The following MAP2K3 variants were observed in gnomAD, a reference collection of about 807,000 sequenced individuals.
MAP2K3 encodes the protein mitogen-activated protein kinase kinase 3.
Under a neutral mutation model 46.4 loss-of-function variants are expected in MAP2K3, and 30 were observed. That is an observed-to-expected ratio of 0.65 (90% confidence interval 0.48 to 0.88). The LOEUF (loss-of-function observed/expected upper bound fraction) is 0.88, where lower values mean the gene tolerates loss of function less well. Among genes scored for constraint, MAP2K3 ranks in the 40% least tolerant of loss-of-function variants. The pLI is 0.00. For synonymous variants in MAP2K3, 189 were observed against 176.3 expected, an observed-to-expected ratio of 1.07 and a Z score of -0.57; for missense variants, 380 against 464.5, an observed-to-expected ratio of 0.82 and a Z score of 1.67.
chr17:21,297,793 T>A (rs958497382), intron 1 of MAP2K3, among the ~76,000 whole-genome samples: 4 of 152,308 alleles, frequency 2.6e-5, no homozygotes, highest in African/African-American at 9.6e-5. Context: ...GCCTGCCTGG[T>A]GCAGGGGAGG....
At chr17:21,298,611 A>T in intron 2 of MAP2K3, 132 bp downstream of exon 2, 1 of 1,464,320 alleles carries the variant, frequency 6.8e-7, no homozygotes, top group Non-Finnish European at 9.6e-7. Flanking sequence ...CCTGCTGTGC[A>T]TACAGCCAGG....
intron 9 of MAP2K3, among the ~76,000 whole-genome samples, chr17:21,305,887 T>G: frequency 6.6e-6 from 1 of 152,180 alleles, no homozygotes; most frequent in African/African-American, 2.4e-5. Flanking sequence ...TTGAGTGGCT[T>G]GGGACCAATG....
At chr17:21,299,548 G>A (rs1193207975) in intron 3 of MAP2K3, among the ~76,000 whole-genome samples, 1 of 152,306 alleles carries the variant, frequency 6.6e-6, no homozygotes, top group Admixed American at 6.5e-5. Flanking sequence ...TCAGCGTGGT[G>A]GTGCGTGCCT....
chr17:21,313,404 TG>T, intron 10 of MAP2K3, 87 bp from the exon 11 acceptor site: 1 of 1,094,800 alleles, frequency 9.1e-7, no homozygotes, highest in Non-Finnish European at 1.4e-6. Context: ...CTGCTAGGCC[TG>T]GGGCAATCCT....
intron 5 of MAP2K3, 146 bp from the exon 6 acceptor site, chr17:21,301,997 G>A: frequency 3.8e-6 from 3 of 788,686 alleles, no homozygotes; most frequent in Non-Finnish European, 6.4e-6. Flanking sequence ...GTGGGTGGTG[G>A]GTGGGAGCCC....
At chr17:21,298,334 G>T in intron 1 of MAP2K3, 79 bp from the exon 2 acceptor site, 1 of 1,594,228 alleles carries the variant, frequency 6.3e-7, no homozygotes, top group Non-Finnish European at 8.6e-7. Flanking sequence ...TTGTGGGCCA[G>T]GGCCTGATGG....
At chr17:21,313,327 G>C (rs902884321) in intron 10 of MAP2K3, among the ~76,000 whole-genome samples, 165 bp from the exon 11 acceptor site, 17 of 152,160 alleles carry the variant, frequency 1.1e-4, no homozygotes, top group African/African-American at 3.4e-4. Flanking sequence ...TCCTATGAAT[G>C]CCCCTCCACC....
At chr17:21,313,121 TTTAA>T (rs1977242216) in intron 10 of MAP2K3, among the ~76,000 whole-genome samples, 1 of 152,170 alleles carries the variant, frequency 6.6e-6, no homozygotes, top group African/African-American at 2.4e-5. Context: ...GTCTGACCCC[TTTAA>T]TTGTGGACTA....
At chr17:21,296,034 A>C in intron 1 of MAP2K3, 1 of 1,287,178 alleles carries the variant, frequency 7.8e-7, no homozygotes, top group Non-Finnish European at 1.0e-6. Context: ...CAGGAATAAA[A>C]GCTACCTATA....
intron 3 of MAP2K3, 152 bp downstream of exon 3, chr17:21,299,078 T>C (rs1976441095): frequency 1.7e-6 from 2 of 1,184,242 alleles, no homozygotes; most frequent in East Asian, 2.5e-5. Context: ...GCTGGCTGTG[T>C]GGCCCTGGGC....
Position 21,315,224 on chromosome 17 carries a change from A to C in MAP2K3, c.*994A>C, listed in dbSNP as rs1175780705. On this transcript the variant is annotated 3_prime_UTR_variant, in exon 12 of 12. Coordinates refer to ENST00000342679, the MANE Select transcript of MAP2K3 (RefSeq NM_145109.3). ...GTTGCTGTTTTAATTAAAAAAAAAA[A>C]AAAAAAAAGGACTAAAGGTTGTGTG... 6.6e-6 allele frequency: 1 copy of C among 151,988 alleles called. No homozygotes were observed. The highest frequency in any genetic ancestry group is 1.5e-5 in the Non-Finnish European group (1 of 67,960). The allele number at this position is 151,988 out of a possible 1,614,324, so 9.4% of individuals were successfully genotyped here. A position where few individuals can be genotyped will look rare whatever the true frequency, so the allele number is the denominator to read the frequency against.
At chr17:21,305,617 G>T (rs1335661081) in intron 9 of MAP2K3, among the ~76,000 whole-genome samples, 1 of 151,996 alleles carries the variant, frequency 6.6e-6, no homozygotes, top group African/African-American at 2.4e-5. Flanking sequence ...GGCAGATGTG[G>T]CAGAAGTCCG....
At chr17:21,285,002 C>T (rs746842946) in intron 1 of MAP2K3, 33 bp downstream of exon 1, 4 of 1,597,766 alleles carry the variant, frequency 2.5e-6, no homozygotes, top group Admixed American at 3.4e-5. Context: ...TCGGCCTGAC[C>T]CCGCGCCTAA....
intron 1 of MAP2K3, among the ~76,000 whole-genome samples, chr17:21,288,495 G>A (rs1352304244): frequency 6.6e-6 from 1 of 152,242 alleles, no homozygotes; most frequent in Admixed American, 6.5e-5. Context: ...CTGAGCTCCT[G>A]GAAGATGGTG....
intron 1 of MAP2K3, chr17:21,295,772 G>C: frequency 7.8e-7 from 1 of 1,289,526 alleles, no homozygotes; most frequent in Non-Finnish European, 1.0e-6. Flanking sequence ...CTTGACAGGT[G>C]GGGAAACTGA....
chr17:21,299,383 C>T (rs1976459828), intron 3 of MAP2K3, among the ~76,000 whole-genome samples: 1 of 152,312 alleles, frequency 6.6e-6, no homozygotes, highest in African/African-American at 2.4e-5. Flanking sequence ...TTCCTCCCAA[C>T]AGAAACCCTA....
chr17:21,296,936 T>C (rs1467749504), intron 1 of MAP2K3, among the ~76,000 whole-genome samples: 1 of 152,308 alleles, frequency 6.6e-6, no homozygotes. Context: ...CTTCTGTCTG[T>C]GGACGCTGTT....
chr17:21,314,292 G>C lies in MAP2K3; in HGVS notation c.*62G>C. Reference sequence around the variant, plus strand: ...CCCCACAGCCCCATCTGCGGGGGCAGTGCTCACCCACACCATAAGCTACTG... The same window carrying C: ...CCCCACAGCCCCATCTGCGGGGGCACTGCTCACCCACACCATAAGCTACTG... On this transcript the variant is annotated 3_prime_UTR_variant, in exon 12 of 12. Transcript: ENST00000342679. 1 of 1,405,998 alleles carries C rather than the reference G, an allele frequency of 7.1e-7. No homozygotes were observed. Among genetic ancestry groups the C allele is most frequent in the East Asian group, 2.3e-5 (1 of 43,936 alleles). The allele number at this position is 1,405,998 out of a possible 1,614,324, so 87.1% of individuals were successfully genotyped here. A position where few individuals can be genotyped will look rare whatever the true frequency, so the allele number is the denominator to read the frequency against.
chr17:21,303,567 C>T (rs1734245346), intron 7 of MAP2K3, among the ~76,000 whole-genome samples: 1 of 152,308 alleles, frequency 6.6e-6, no homozygotes, highest in African/African-American at 2.4e-5. Flanking sequence ...AGATGCAGGA[C>T]AATTCTCTCA....
Sources: gnomAD v4.1 joint callset for allele counts (sites outside exome capture counted in the v4.1 genomes callset) on GRCh38, gnomAD v4.1.1 for gene constraint, MANE v1.5 for transcripts, NCBI Gene and HGNC (gene_info 2026-07-23, HGNC 2026-07-21) for gene names.